The following ANO2 variants were observed in gnomAD, a reference collection of about 807,000 sequenced individuals.
ANO2 encodes anoctamin-2.
In ANO2, 101 loss-of-function variants were observed where a neutral mutation model predicts 124.2. That is an observed-to-expected ratio of 0.81 (90% CI 0.69 to 0.96). The LOEUF (loss-of-function observed/expected upper bound fraction) is 0.96, where lower values mean the gene tolerates loss of function less well. Ranked by LOEUF, ANO2 falls within the 40% of genes least tolerant of loss-of-function variation. The pLI, the probability that ANO2 is intolerant of heterozygous loss-of-function variation, is 0.00. For missense variants in ANO2, 1,293 were observed against 1,274.5 expected (o/e 1.01, Z -0.22); for synonymous variants, 486 against 482.5 (o/e 1.01, Z -0.09).
chr12:5,697,948 A>T (rs1949253901), intron 14 of ANO2, among the ~76,000 whole-genome samples: 1 of 152,234 alleles, frequency 6.6e-6, no homozygotes, highest in Non-Finnish European at 1.5e-5. Flanking sequence ...AGGTAAACAA[A>T]GCAGCCAGGA....
intron 16 of ANO2, among the ~76,000 whole-genome samples, chr12:5,616,219 T>C (rs191625336): frequency 5.9e-5 from 9 of 152,316 alleles, no homozygotes; most frequent in Admixed American, 2.6e-4. Context: ...AAACCTGGCA[T>C]TTACTTCTCA....
Position 5,900,174 on chromosome 12 carries a change from G to A in ANO2, c.534+20866C>T, listed in dbSNP as rs549315445. Among the ~76,000 whole-genome samples, 4 of 152,210 alleles carry A rather than the reference G, an allele frequency of 2.6e-5. No homozygotes were observed. The South Asian group carries it at 8.3e-4, about 32-fold the overall frequency. ...CCAACTCAACCCACATCACAGCCCT[G>A]GATTTCAATGTAATCACGGACAACC... is the stretch of plus-strand genomic sequence containing the variant. On this transcript the variant is annotated intron_variant, in intron 3 of 24. Coordinates refer to ENST00000682330, the MANE Select transcript of ANO2 (RefSeq NM_001364791.2). This position sits in a 1 kb window ranked among gnomAD's most constrained non-coding sequence, Gnocchi z 4.2.
chr12:5,844,530 C>T (rs1954620357), intron 4 of ANO2, among the ~76,000 whole-genome samples: 1 of 152,180 alleles, frequency 6.6e-6, no homozygotes, highest in Admixed American at 6.5e-5. Flanking sequence ...AAAATACATT[C>T]ACAAATTGTC....
chr12:5,671,706 G>C (rs1376162031), intron 14 of ANO2, among the ~76,000 whole-genome samples: 1 of 152,154 alleles, frequency 6.6e-6, no homozygotes, highest in Admixed American at 6.5e-5. Flanking sequence ...TAACCCCTTG[G>C]AGGGAAAAAT....
intron 10 of ANO2, among the ~76,000 whole-genome samples, chr12:5,798,946 G>A (rs1952955416): frequency 1.3e-5 from 2 of 152,234 alleles, no homozygotes; most frequent in Admixed American, 1.3e-4. Context: ...ATGTTCAACA[G>A]AAGCTGGGGA....
In ANO2 at chr12:5,575,989, G is replaced by A. The variant is rs1942380361; in HGVS notation, c.2466C>T (p.Asp822=). ...ACTGGTACACCAGGCGGGGGATAAA[G>A]TCGGAGGTGATCGCAATGACAAAAG... is the stretch of plus-strand genomic sequence containing the variant. ...SNAFVIAITS[D]FIPRLVYQYS... is the part of the protein sequence containing the mutation. The change falls in exon 23 of 25, where the codon GAC becomes GAT. Residue 822 remains aspartate, a synonymous_variant. Transcript: ENST00000682330. 6.2e-7 allele frequency: 1 copy of A among 1,610,500 alleles called. No individual in the cohort carries two copies. Among genetic ancestry groups the A allele is most frequent in the Non-Finnish European group, 8.5e-7 (1 of 1,178,292 alleles).
At chr12:5,591,693 C>A (rs1280897156) in intron 20 of ANO2, among the ~76,000 whole-genome samples, 1 of 152,180 alleles carries the variant, frequency 6.6e-6, no homozygotes, top group Non-Finnish European at 1.5e-5. Context: ...TCTCTAGGAT[C>A]TTTAAATCAA....
At chr12:5,628,397 C>A (rs905269876) in intron 16 of ANO2, among the ~76,000 whole-genome samples, 13 of 152,152 alleles carry the variant, frequency 8.5e-5, no homozygotes, top group Non-Finnish European at 1.8e-4. Flanking sequence ...CTGTTGCTCT[C>A]CCAATAAATT....
At chr12:5,785,113 A>G (rs1484706972) in intron 10 of ANO2, among the ~76,000 whole-genome samples, 1 of 152,034 alleles carries the variant, frequency 6.6e-6, no homozygotes, top group Non-Finnish European at 1.5e-5. Flanking sequence ...TTCTAAGATC[A>G]CCTCCAGCAG....
intron 1 of ANO2, among the ~76,000 whole-genome samples, chr12:5,928,703 A>G (rs1347016588): frequency 1.8e-5 from 2 of 110,772 alleles, no homozygotes; most frequent in African/African-American, 4.0e-5. Context: ...TTCTTTCCTT[A>G]TTAGTCACTT....
At chr12:5,910,364 A>G (rs1247763901) in intron 3 of ANO2, among the ~76,000 whole-genome samples, 1 of 152,042 alleles carries the variant, frequency 6.6e-6, no homozygotes, top group African/African-American at 2.4e-5. Flanking sequence ...TTTTTAGTAG[A>G]GACAGGGTTT....
At chr12:5,888,602 T>G (rs996547256) in intron 3 of ANO2, among the ~76,000 whole-genome samples, 1 of 152,078 alleles carries the variant, frequency 6.6e-6, no homozygotes, top group Non-Finnish European at 1.5e-5. Flanking sequence ...CCCACTAGAT[T>G]AGCTAGACAC....
chr12:5,570,167 T>C (rs916753442), intron 23 of ANO2, among the ~76,000 whole-genome samples: 4 of 152,214 alleles, frequency 2.6e-5, no homozygotes, highest in Non-Finnish European at 4.4e-5. Flanking sequence ...ATTGATTGAA[T>C]TGAGTTTGTA....
chr12:5,919,212 A>T (rs1941553312), intron 3 of ANO2, among the ~76,000 whole-genome samples: 1 of 152,238 alleles, frequency 6.6e-6, no homozygotes, highest in African/African-American at 2.4e-5. Context: ...TGGTCAGGGA[A>T]GATGTCAGGA....
intron 14 of ANO2, among the ~76,000 whole-genome samples, chr12:5,677,039 G>A (rs1948277468): frequency 6.6e-6 from 1 of 151,784 alleles, no homozygotes; most frequent in African/African-American, 2.4e-5. Context: ...GGGTGACAGA[G>A]TAAGACTCTG....
intron 10 of ANO2, among the ~76,000 whole-genome samples, chr12:5,765,081 A>C (rs1951848851): frequency 6.6e-6 from 1 of 152,238 alleles, no homozygotes; most frequent in Admixed American, 6.5e-5. Context: ...CAGAGTCTAG[A>C]GACCTGGAAA....
At chr12:5,762,227 A>G (rs1209151262) in intron 10 of ANO2, among the ~76,000 whole-genome samples, 1 of 152,036 alleles carries the variant, frequency 6.6e-6, no homozygotes, top group Admixed American at 6.6e-5. Flanking sequence ...TGAAACATTA[A>G]TCGCTGAACA....
chr12:5,753,254 G>C (rs900165473), intron 10 of ANO2, among the ~76,000 whole-genome samples: 4 of 152,184 alleles, frequency 2.6e-5, no homozygotes, highest in Non-Finnish European at 4.4e-5. Context: ...TAGTGGGCTG[G>C]AGGGGAAAGA....
chr12:5,922,892 C>A, intron 1 of ANO2, 88 bp from the exon 2 acceptor site: 1 of 1,321,776 alleles, frequency 7.6e-7, no homozygotes, highest in South Asian at 1.8e-5. Context: ...CAGACACTAG[C>A]CCTGAGAAAA....
Sources: gnomAD v4.1 joint callset for allele counts (sites outside exome capture counted in the v4.1 genomes callset) on GRCh38, gnomAD v4.1.1 for gene constraint, Gnocchi (gnomAD v3.1) non-coding constraint, MANE v1.5 for transcripts, NCBI Gene and HGNC (gene_info 2026-07-23, HGNC 2026-07-21) for gene names.